The following CDH13 variants were observed in gnomAD, a reference collection of about 807,000 sequenced individuals.
CDH13 encodes cadherin-13.
In CDH13, 24 loss-of-function variants were observed where a neutral mutation model predicts 63.8. That is an observed-to-expected ratio of 0.38 (90% CI 0.27 to 0.53). The LOEUF is 0.53. Ranked by LOEUF, CDH13 falls within the 20% of genes least tolerant of loss-of-function variation. CDH13 has a pLI of 0.85. For synonymous variants in CDH13, 503 were observed against 355.3 expected (o/e 1.42, Z -4.67); for missense variants, 1,049 against 903.1 (o/e 1.16, Z -2.07).
At chr16:82,855,580 G>A (rs1478994896) in intron 1 of CDH13, among the ~76,000 whole-genome samples, 1 of 152,120 alleles carries the variant, frequency 6.6e-6, no homozygotes, top group Non-Finnish European at 1.5e-5. Flanking sequence ...CTGACTCCTG[G>A]ATCTGCATCC....
At chr16:83,071,276 C>T (rs1250044347) in intron 3 of CDH13, among the ~76,000 whole-genome samples, 2 of 152,248 alleles carry the variant, frequency 1.3e-5, no homozygotes, top group Non-Finnish European at 2.9e-5. Context: ...CCTTCAGCAG[C>T]GTATTATTTA....
intron 10 of CDH13, among the ~76,000 whole-genome samples, chr16:83,723,421 A>G (rs1049502354): frequency 2.6e-5 from 4 of 152,170 alleles, no homozygotes; most frequent in Non-Finnish European, 5.9e-5. Flanking sequence ...CTCTGTCTCC[A>G]AGCTGCTGCT....
chr16:83,713,600 G>T (rs12448622), intron 10 of CDH13, among the ~76,000 whole-genome samples: 1,537 of 152,182 alleles, frequency 0.01, 75 homozygotes, highest in Admixed American at 0.076. Flanking sequence ...TCATCTATCG[G>T]CTGGGACTCT....
At chr16:82,887,779 A>G (rs1323377710) in intron 2 of CDH13, among the ~76,000 whole-genome samples, 2 of 152,098 alleles carry the variant, frequency 1.3e-5, no homozygotes, top group Admixed American at 6.5e-5. Flanking sequence ...CTGAGCTCGC[A>G]CCACTGCACT....
chr16:83,050,838 C>A (rs372769035), intron 3 of CDH13, among the ~76,000 whole-genome samples: 4 of 152,118 alleles, frequency 2.6e-5, no homozygotes, highest in Non-Finnish European at 5.9e-5. Flanking sequence ...CCTAAGTGCA[C>A]GGTTTCTTGC....
intron 5 of CDH13, among the ~76,000 whole-genome samples, chr16:83,218,007 A>G (rs1210573145): frequency 6.6e-6 from 1 of 152,238 alleles, no homozygotes; most frequent in Non-Finnish European, 1.5e-5. Context: ...GATTCAAGAT[A>G]TTGAATGAAA....
chr16:83,334,870 A>G (rs1352928893), intron 5 of CDH13, among the ~76,000 whole-genome samples: 3 of 152,176 alleles, frequency 2.0e-5, no homozygotes, highest in Non-Finnish European at 4.4e-5. Context: ...TGATGATCTA[A>G]TTGGACCATG....
intron 7 of CDH13, among the ~76,000 whole-genome samples, chr16:83,499,717 C>G (rs1431851154): frequency 6.6e-6 from 1 of 152,212 alleles, no homozygotes; most frequent in Non-Finnish European, 1.5e-5. Flanking sequence ...AGGGTAATAG[C>G]TGAGCATGAG....
At chr16:82,850,399 G>T (rs1204503763) in intron 1 of CDH13, among the ~76,000 whole-genome samples, 1 of 152,214 alleles carries the variant, frequency 6.6e-6, no homozygotes, top group African/African-American at 2.4e-5. Context: ...GTGAATTGCT[G>T]CAAGCTCATG....
chr16:83,106,480 G>T (rs1248082462), intron 3 of CDH13, among the ~76,000 whole-genome samples: 4 of 152,232 alleles, frequency 2.6e-5, no homozygotes, highest in Non-Finnish European at 4.4e-5. Flanking sequence ...AGCAGAGGTT[G>T]CGGTGGGCCG....
chr16:82,792,743 C>G (rs550545093), intron 1 of CDH13, among the ~76,000 whole-genome samples: 80 of 152,334 alleles, frequency 5.3e-4, no homozygotes, highest in Non-Finnish European at 9.4e-4. Context: ...TTGTCACACT[C>G]CAAAATAGAA....
chr16:82,861,614 A>G lies in CDH13; in HGVS notation c.157+3141A>G, dbSNP rs140737339. On this transcript the variant is annotated intron_variant, in intron 2 of 13. Coordinates refer to ENST00000567109, the MANE Select transcript of CDH13 (RefSeq NM_001257.5). ...CAATGACTTATCTTTTTCTACTTTA[A>G]CTGTTACTAATGGTCACCTCCACTC... Among the ~76,000 whole-genome samples, 478 of 152,180 alleles carry G rather than the reference A, an allele frequency of 3.1e-3. 5 individuals are homozygous for G. Among genetic ancestry groups the G allele is most frequent in the African/African-American group, 0.011 (450 of 41,516 alleles).
intron 5 of CDH13, among the ~76,000 whole-genome samples, chr16:83,315,747 C>G (rs144015548): frequency 1.3e-5 from 2 of 151,878 alleles, no homozygotes; most frequent in African/African-American, 4.8e-5. Flanking sequence ...AAACAAGGCC[C>G]TTAGGTGACC....
intron 4 of CDH13, among the ~76,000 whole-genome samples, chr16:83,128,124 C>G (rs1292373490): frequency 2.0e-5 from 3 of 152,230 alleles, no homozygotes; most frequent in Non-Finnish European, 2.9e-5. Context: ...GCATCAGAAT[C>G]AGCAGAGACA....
intron 7 of CDH13, among the ~76,000 whole-genome samples, chr16:83,536,126 G>T (rs946868073): frequency 6.6e-6 from 1 of 152,146 alleles, no homozygotes; most frequent in Non-Finnish European, 1.5e-5. Flanking sequence ...GAGGCATTGA[G>T]AAATCCTTTC....
intron 1 of CDH13, among the ~76,000 whole-genome samples, chr16:82,776,281 G>A (rs2035493044): frequency 6.6e-6 from 1 of 151,522 alleles, no homozygotes; most frequent in Non-Finnish European, 1.5e-5. Flanking sequence ...GGAAGAAAAA[G>A]AAGGAAGGAA....
At chr16:82,701,772 G>A (rs936845004) in intron 1 of CDH13, among the ~76,000 whole-genome samples, 1 of 151,976 alleles carries the variant, frequency 6.6e-6, no homozygotes, top group Non-Finnish European at 1.5e-5. Context: ...AATTTTATTG[G>A]CTCTTAACAT....
intron 12 of CDH13, among the ~76,000 whole-genome samples, chr16:83,781,516 C>T (rs1009047958): frequency 2.3e-4 from 35 of 152,078 alleles, no homozygotes; most frequent in African/African-American, 8.5e-4. Flanking sequence ...AATCTCATAT[C>T]TATTGTTATA....
At chr16:82,659,615 A>G (rs1025739978) in intron 1 of CDH13, among the ~76,000 whole-genome samples, 3 of 152,224 alleles carry the variant, frequency 2.0e-5, no homozygotes, top group Non-Finnish European at 4.4e-5. Context: ...CCCCCAAAAT[A>G]TAATACCACG....
Sources: gnomAD v4.1 joint callset for allele counts (sites outside exome capture counted in the v4.1 genomes callset) on GRCh38, gnomAD v4.1.1 for gene constraint, MANE v1.5 for transcripts, NCBI Gene and HGNC (gene_info 2026-07-23, HGNC 2026-07-21) for gene names.